Variants in KDM5B observed in about 807,000 individuals in gnomAD.
KDM5B encodes lysine-specific demethylase 5B.
KDM5B carries 144 observed loss-of-function variants against 193.4 expected under a neutral mutation model. The ratio of observed to expected loss-of-function variants is 0.74; its 90% CI spans 0.65 to 0.86. KDM5B has a LOEUF of 0.86. KDM5B is among the 40% of genes least tolerant of loss of function. KDM5B has a pLI of 0.00. For missense variants in KDM5B, 1,833 were observed against 1,886.9 expected (o/e 0.97, Z 0.53); for synonymous variants, 668 against 682.6 (o/e 0.98, Z 0.33).
chr1:202,755,344 C>T lies in KDM5B; in HGVS notation c.1465G>A (p.Val489Met). The stretch of plus-strand genomic sequence containing the variant: ...CAGAATGAAGAAAAGCACATTCCCA[C>T]ATACAACCAAGGAAGTTTCATGCCA... ...ICGMKLPWLY[V>M]GMCFSSFCWH... Residue 489 changes from valine (V) to methionine (M), a missense_variant, in exon 11 of 27, where the codon GTG becomes ATG. Transcript: ENST00000367265. The T allele has an allele frequency of 6.2e-7, 1 of 1,614,118 alleles. No homozygotes were observed. Among genetic ancestry groups the T allele is most frequent in the Non-Finnish European group, 8.5e-7 (1 of 1,179,970 alleles).
intron 23 of KDM5B, 48 bp from the exon 24 acceptor site, chr1:202,731,987 A>G: frequency 7.8e-7 from 1 of 1,274,078 alleles, no homozygotes; most frequent in Non-Finnish European, 1.1e-6. Flanking sequence ...AGGATTAAAA[A>G]TACTCCCATT....
rs1658395562 is a variant in KDM5B, at chr1:202,808,243, G to A, written c.63C>T (p.Gly21=). The change falls in exon 1 of 27, where the codon GGC becomes GGT. Residue 21 remains glycine (G), a synonymous_variant. Coordinates refer to ENST00000367265, the MANE Select transcript of KDM5B (RefSeq NM_006618.5). ...PRPALPLGGP[G]PLGEFLPPPE... is the part of the protein sequence containing the mutation. ...GTGGAGGCAGGAACTCGCCCAGCGG[G>A]CCCGGGCCCCCGAGGGGCAGCGCCG... 1 of 1,611,530 alleles carries A rather than the reference G, an allele frequency of 6.2e-7. No individual in the cohort carries two copies. Among genetic ancestry groups the A allele is most frequent in the Non-Finnish European group, 8.5e-7 (1 of 1,179,362 alleles).
In KDM5B at chr1:202,727,033, T is replaced by C. The variant is rs547902682; in HGVS notation, c.*2003A>G. The C allele has an allele frequency of 6.6e-6, 1 of 152,294 alleles. No homozygotes were observed. The highest frequency in any genetic ancestry group is 6.5e-5 in the Admixed American group (1 of 15,288). 9.4% of individuals were successfully genotyped at this position (152,294 alleles called of 1,614,324 possible). ...CACTCAGAGATACAAAGATCTGACT[T>C]CCTCAAAGATGCTATTGTCAGGGAC... On this transcript the variant is annotated 3_prime_UTR_variant, in exon 27 of 27. Transcript: ENST00000367265.
At chr1:202,784,709 C>G (rs1657334532) in intron 1 of KDM5B, among the ~76,000 whole-genome samples, 1 of 152,172 alleles carries the variant, frequency 6.6e-6, no homozygotes, top group Non-Finnish European at 1.5e-5. Context: ...AGGTGTCTAT[C>G]AGAAAAGTTT....
At chr1:202,779,674 A>G (rs894457694) in intron 1 of KDM5B, among the ~76,000 whole-genome samples, 16 of 149,658 alleles carry the variant, frequency 1.1e-4, no homozygotes, top group African/African-American at 3.7e-4. Context: ...GTGGTGACAC[A>G]TGCCTGTAGT....
At position 202,772,362 on chromosome 1, in the gene KDM5B, A is replaced by G. The variant is rs116584987; in HGVS notation, c.576+756T>C. On this transcript the variant is annotated intron_variant, in intron 4 of 26. Coordinates refer to ENST00000367265, the MANE Select transcript of KDM5B (RefSeq NM_006618.5). ...TGAACTTGGCTACATAGGAATTACT[A>G]GAAGAGGAACCCGTTAGCTATGTAG... Among the ~76,000 whole-genome samples the G allele has an allele frequency of 5.1e-3, 780 of 152,342 alleles. 9 individuals carry two copies. Among genetic ancestry groups the G allele is most frequent in the African/African-American group, 0.018 (746 of 41,574 alleles).
chr1:202,787,770 G>A (rs943982746), intron 1 of KDM5B, among the ~76,000 whole-genome samples: 1 of 151,998 alleles, frequency 6.6e-6, no homozygotes, highest in African/African-American at 2.4e-5. Context: ...GCGGGCGCCT[G>A]TAATCCCAGC....
chr1:202,747,583 A>AAC (rs1302655577), intron 14 of KDM5B, among the ~76,000 whole-genome samples: 9 of 151,928 alleles, frequency 5.9e-5, no homozygotes, highest in Non-Finnish European at 1.3e-4. Context: ...AAAAAAAAAA[A>AAC]AAACAGTATT....
At chr1:202,763,513 C>A (rs1656332203) in intron 6 of KDM5B, among the ~76,000 whole-genome samples, 1 of 152,080 alleles carries the variant, frequency 6.6e-6, no homozygotes, top group Non-Finnish European at 1.5e-5. Flanking sequence ...TCACTAATCC[C>A]TAGGTTGAAC....
At chr1:202,753,661 G>GT (rs1288409276) in intron 11 of KDM5B, among the ~76,000 whole-genome samples, 2 of 115,890 alleles carry the variant, frequency 1.7e-5, no homozygotes, top group African/African-American at 5.5e-5. Context: ...TTTTGTTGTT[G>GT]TTGTTTTTTT....
chr1:202,783,448 T>C (rs528137461), intron 1 of KDM5B, among the ~76,000 whole-genome samples: 1 of 152,022 alleles, frequency 6.6e-6, no homozygotes, highest in South Asian at 2.1e-4. Context: ...AATCCTGTAG[T>C]GAGCCACGAT....
At position 202,755,178 on chromosome 1, in the gene KDM5B, C is replaced by T. The variant is rs1655957640; in HGVS notation, c.1538+93G>A. 2.2e-5 allele frequency: 20 copies of T among 929,880 alleles called. No individual in the cohort carries two copies. In the South Asian group the frequency reaches 3.0e-4, roughly 14 times the overall value. The allele number at this position is 929,880 out of a possible 1,614,324, so 57.6% of individuals were successfully genotyped here. A position where few individuals can be genotyped will look rare whatever the true frequency, so the allele number is the denominator to read the frequency against. On this transcript the variant is annotated intron_variant, in intron 11 of 26. Transcript: ENST00000367265. ...TTAGGGAAAAAAGTAGTTCAATGCT[C>T]TTCAGACACAGTTAAGACACATCTG... is the stretch of plus-strand genomic sequence containing the variant.
intron 17 of KDM5B, 51 bp from the exon 18 acceptor site, chr1:202,742,556 C>T (rs1655387597): frequency 6.2e-7 from 1 of 1,600,632 alleles, no homozygotes; most frequent in Non-Finnish European, 8.6e-7. Context: ...TACATGTCCA[C>T]CACACCCAGG....
At position 202,741,701 on chromosome 1, in the gene KDM5B, C is replaced by G. The variant is rs1655347421; in HGVS notation, c.2611G>C (p.Asp871His). Residue 871 changes from aspartate (D) to histidine (H), a missense_variant, in exon 19 of 27, where the codon GAT becomes CAT. This residue lies in a region of KDM5B where 1,379 missense variants were observed against 1,349.6 expected (regional missense o/e 1.02). Transcript: ENST00000367265. Reference protein sequence around the residue: ...LLKDLLNRVEDFQQHSQKLLS... With the variant: ...LLKDLLNRVEHFQQHSQKLLS... ...AGTTTCTGACTATGCTGTTGAAAATCTTCTACACGATTCAAGAGATCCTAA... is the reference window on the plus strand; with the variant it reads ...AGTTTCTGACTATGCTGTTGAAAATGTTCTACACGATTCAAGAGATCCTAA... 1.2e-6 allele frequency: 2 copies of G among 1,608,336 alleles called. No homozygotes were observed. The highest frequency in any genetic ancestry group is 1.7e-6 in the Non-Finnish European group (2 of 1,176,722).
At chr1:202,788,904 A>G (rs552816599) in intron 1 of KDM5B, among the ~76,000 whole-genome samples, 13 of 152,310 alleles carry the variant, frequency 8.5e-5, no homozygotes, top group African/African-American at 3.1e-4. Context: ...AAAGGATTAT[A>G]TACTTTAAAA....
intron 4 of KDM5B, among the ~76,000 whole-genome samples, chr1:202,769,278 C>T (rs1572746834): frequency 6.9e-6 from 1 of 143,916 alleles, no homozygotes; most frequent in Non-Finnish European, 1.5e-5. Context: ...CCTCGTGATC[C>T]ACCTGCCTCA....
intron 14 of KDM5B, 142 bp downstream of exon 14, chr1:202,748,803 C>T (rs1043057950): frequency 1.0e-5 from 6 of 591,078 alleles, no homozygotes; most frequent in East Asian, 3.0e-5. Context: ...ATTAAAACCA[C>T]GAGATACTAC....
chr1:202,757,505 C>T (rs1208219687), intron 9 of KDM5B, among the ~76,000 whole-genome samples: 1 of 152,066 alleles, frequency 6.6e-6, no homozygotes, highest in Non-Finnish European at 1.5e-5. Flanking sequence ...ATACAGTTAA[C>T]CACAAATAGA....
chr1:202,736,121 A>G, intron 21 of KDM5B, 92 bp downstream of exon 21: 1 of 925,636 alleles, frequency 1.1e-6, no homozygotes, highest in Non-Finnish European at 1.6e-6. Flanking sequence ...AATATAGATT[A>G]ATCTGTGATG....
Sources: allele counts gnomAD v4.1 joint callset (sites outside exome capture counted in the v4.1 genomes callset), GRCh38; gene constraint gnomAD v4.1.1; regional missense constraint gnomAD v4.1.1; transcripts MANE v1.5; gene names NCBI Gene and HGNC (gene_info 2026-07-23, HGNC 2026-07-21).